The following DLEU7 variants were observed in gnomAD, a reference collection of about 807,000 sequenced individuals.
The protein encoded by DLEU7 is deleted in lymphocytic leukemia 7.
A neutral mutation model predicts 16.0 loss-of-function variants in DLEU7; 17 were observed. That is an observed-to-expected ratio of 1.06 (90% CI 0.73 to 1.59). The LOEUF (loss-of-function observed/expected upper bound fraction) is 1.59. Ranked by LOEUF, DLEU7 falls within the 40% of genes most tolerant of loss-of-function variation. The probability of loss-of-function intolerance (pLI) is 0.00; values close to 1 mark genes in which losing one functional copy is unlikely to be tolerated. For missense variants in DLEU7, 308 were observed against 314.9 expected (o/e 0.98, Z 0.17); for synonymous variants, 113 against 139.8 (o/e 0.81, Z 1.35).
intron 1 of DLEU7, among the ~76,000 whole-genome samples, chr13:50,720,283 C>T (rs1380357256): frequency 6.6e-6 from 1 of 152,130 alleles, no homozygotes; most frequent in Non-Finnish European, 1.5e-5. Flanking sequence ...AATATGTTTC[C>T]GTGTGTTTTC....
chr13:50,825,057 A>G (rs1174436383), intron 1 of DLEU7, among the ~76,000 whole-genome samples: 1 of 152,202 alleles, frequency 6.6e-6, no homozygotes, highest in African/African-American at 2.4e-5. Context: ...TGAAACTGTG[A>G]AACTGTTCAC....
upstream of DLEU7, chr13:50,843,862 C>A: frequency 5.3e-6 from 3 of 568,266 alleles, no homozygotes. The surrounding 1 kb of genome is among the most constrained non-coding windows in gnomAD (Gnocchi z 5.7). Flanking sequence ...TGTTCTGACC[C>A]AAAGCTGCCT....
chr13:50,748,228 C>CTTTTTTTTTTTTTTTT (rs71085044), intron 1 of DLEU7, among the ~76,000 whole-genome samples: 6 of 89,250 alleles, frequency 6.7e-5, no homozygotes, highest in African/African-American at 1.3e-4. Context: ...ACTCCTTAAA[C>CTTTTTTTTTTTTTTTT]TTTTTTTTTT....
At chr13:50,751,026 A>G (rs1029643840) in intron 1 of DLEU7, among the ~76,000 whole-genome samples, 4 of 152,134 alleles carry the variant, frequency 2.6e-5, no homozygotes, top group African/African-American at 9.7e-5. Context: ...TCTCAGAGGG[A>G]ATGCTTTCAA....
intron 1 of DLEU7, among the ~76,000 whole-genome samples, chr13:50,780,753 G>C (rs1373724428): frequency 6.6e-6 from 1 of 152,178 alleles, no homozygotes; most frequent in Non-Finnish European, 1.5e-5. Flanking sequence ...GAGGGAGGTG[G>C]AGAAGGCCTG....
chr13:50,769,923 G>A (rs1875244649), intron 1 of DLEU7, among the ~76,000 whole-genome samples: 1 of 152,172 alleles, frequency 6.6e-6, no homozygotes, highest in African/African-American at 2.4e-5. Flanking sequence ...CATGAGCATG[G>A]AATGTTCTTC....
intron 1 of DLEU7, among the ~76,000 whole-genome samples, chr13:50,771,486 A>C (rs930367931): frequency 3.9e-5 from 6 of 152,208 alleles, no homozygotes; most frequent in African/African-American, 1.4e-4. Context: ...TTGGTTTCAA[A>C]GAACATCTTT....
intron 1 of DLEU7, among the ~76,000 whole-genome samples, chr13:50,790,584 G>A (rs959628562): frequency 1.3e-5 from 2 of 152,100 alleles, no homozygotes; most frequent in East Asian, 1.9e-4. Flanking sequence ...CACACACACT[G>A]GTGGAAAGGA....
chr13:50,750,013 C>T (rs942596408), intron 1 of DLEU7, among the ~76,000 whole-genome samples: 1 of 152,166 alleles, frequency 6.6e-6, no homozygotes, highest in Non-Finnish European at 1.5e-5. Flanking sequence ...CTTGCCTAAG[C>T]CAATGTCTAA....
chr13:50,745,132 C>T (rs1005840263), intron 1 of DLEU7, among the ~76,000 whole-genome samples: 1 of 152,168 alleles, frequency 6.6e-6, no homozygotes, highest in Non-Finnish European at 1.5e-5. Flanking sequence ...TTCACAGCAG[C>T]ATTATTCACA....
chr13:50,728,255 A>G (rs757092473), intron 1 of DLEU7, among the ~76,000 whole-genome samples: 5 of 152,180 alleles, frequency 3.3e-5, no homozygotes, highest in Non-Finnish European at 7.3e-5. Context: ...ACAGATAAGA[A>G]ACTAGTTGTT....
At chr13:50,767,184 G>A (rs1370928120) in intron 1 of DLEU7, among the ~76,000 whole-genome samples, 8 of 152,050 alleles carry the variant, frequency 5.3e-5, no homozygotes, top group East Asian at 1.9e-4. Flanking sequence ...GGCCGGGCGC[G>A]GTGGCTCACG....
intron 1 of DLEU7, among the ~76,000 whole-genome samples, chr13:50,731,078 AACTTC>A (rs1259744318): frequency 6.6e-6 from 1 of 152,144 alleles, no homozygotes; most frequent in African/African-American, 2.4e-5. Context: ...CTAACTTTGT[AACTTC>A]ACTTCAGCCT....
chr13:50,767,479 C>A (rs1339091773), intron 1 of DLEU7, among the ~76,000 whole-genome samples: 4 of 129,174 alleles, frequency 3.1e-5, no homozygotes, highest in African/African-American at 8.7e-5. Context: ...AAAAAAAAAA[C>A]TCCAGACATG....
chr13:50,780,867 A>G (rs1210922506), intron 1 of DLEU7, among the ~76,000 whole-genome samples: 1 of 152,102 alleles, frequency 6.6e-6, no homozygotes, highest in Non-Finnish European at 1.5e-5. Flanking sequence ...TAAGTGTGAT[A>G]TCTCGCCTTC....
At chr13:50,801,171 A>G (rs1876236165) in intron 1 of DLEU7, among the ~76,000 whole-genome samples, 1 of 152,128 alleles carries the variant, frequency 6.6e-6, no homozygotes, top group African/African-American at 2.4e-5. Context: ...GCTAATAAAG[A>G]GACCAACATG....
At chr13:50,746,314 A>G (rs1313259136) in intron 1 of DLEU7, among the ~76,000 whole-genome samples, 1 of 152,168 alleles carries the variant, frequency 6.6e-6, no homozygotes, top group East Asian at 1.9e-4. Flanking sequence ...AAAGGAAAAT[A>G]GCTCAAGAAA....
At chr13:50,749,873 C>T (rs1874513095) in intron 1 of DLEU7, among the ~76,000 whole-genome samples, 2 of 152,152 alleles carry the variant, frequency 1.3e-5, no homozygotes, top group South Asian at 4.1e-4. Context: ...AAGATTTTCT[C>T]CAACTCTGTG....
rs1379030294 is a variant in DLEU7 at position 50,843,561 on chromosome 13, C to A, written c.86G>T (p.Gly29Val). 3.4e-6 allele frequency: 5 copies of A among 1,487,992 alleles called. No homozygotes were observed. The highest frequency in any genetic ancestry group is 4.4e-6 in the Non-Finnish European group (5 of 1,127,272). 92.2% of individuals were successfully genotyped at this position (1,487,992 alleles called of 1,614,324 possible). Residue 29 changes from glycine (G) to valine (V), a missense_variant, in exon 1 of 2, where the codon GGC becomes GTC. Transcript: ENST00000504404. This position sits in a 1 kb window ranked among gnomAD's most constrained non-coding sequence, Gnocchi z 5.7. Reference protein sequence around the residue: ...QTLQLLQQEWGWGDGPVAPGN... With the variant: ...QTLQLLQQEWVWGDGPVAPGN... ...GGGGGCGACTGGACCGTCCCCCCAG[C>A]CCCACTCCTGCTGCAGCAGCTGCAA...
Sources: gnomAD v4.1 joint callset for allele counts (sites outside exome capture counted in the v4.1 genomes callset) on GRCh38, gnomAD v4.1.1 for gene constraint, Gnocchi (gnomAD v3.1) non-coding constraint, MANE v1.5 for transcripts, NCBI Gene and HGNC (gene_info 2026-07-23, HGNC 2026-07-21) for gene names.